The following HPSE2 variants were observed in gnomAD, a reference collection of about 807,000 sequenced individuals.
The protein encoded by HPSE2 is inactive heparanase-2.
HPSE2 carries 38 observed loss-of-function variants against 60.5 expected under a neutral mutation model. That is an observed-to-expected ratio of 0.63 (90% CI 0.48 to 0.82). The LOEUF is 0.82. HPSE2 is among the 40% of genes least tolerant of loss of function. The pLI, the probability that HPSE2 is intolerant of heterozygous loss-of-function variation, is 0.00. For missense variants in HPSE2, 713 were observed against 740.4 expected, an observed-to-expected ratio of 0.96 and a Z score of 0.43; for synonymous variants, 295 against 293.2, an observed-to-expected ratio of 1.01 and a Z score of -0.06.
chr10:99,285,969 CGT>C, the HPSE2 span, among the ~76,000 whole-genome samples: 55 of 152,044 alleles, frequency 3.6e-4, no homozygotes, highest in Non-Finnish European at 6.6e-4. Context: ...CACATGAAAA[CGT>C]ATTCCAATCA....
chr10:98,647,600 C>G (rs72840526), intron 6 of HPSE2, among the ~76,000 whole-genome samples: 1,547 of 152,280 alleles, frequency 0.01, 13 homozygotes, highest in South Asian at 0.027. Context: ...AAACCCTGTT[C>G]ACCTATAAAA....
At chr10:98,481,695 C>T (rs1372529600) in intron 11 of HPSE2, among the ~76,000 whole-genome samples, 1 of 152,154 alleles carries the variant, frequency 6.6e-6, no homozygotes, top group Non-Finnish European at 1.5e-5. Flanking sequence ...ATGCAAGCCA[C>T]CAAGGTTGCA....
At chr10:99,089,490 G>C (rs1232211867) in intron 3 of HPSE2, among the ~76,000 whole-genome samples, 1 of 152,074 alleles carries the variant, frequency 6.6e-6, no homozygotes, top group Non-Finnish European at 1.5e-5. Flanking sequence ...TTAAGTATTT[G>C]GCTTTATTTC....
the HPSE2 span, among the ~76,000 whole-genome samples, chr10:99,305,979 G>GCACGCACACACA: frequency 6.5e-4 from 52 of 80,588 alleles, 1 homozygote; most frequent in African/African-American, 2.6e-3. Context: ...GCGCGCGCGC[G>GCACGCACACACA]CACACACACA....
intron 2 of HPSE2, among the ~76,000 whole-genome samples, chr10:99,211,130 A>G (rs73337468): frequency 0.028 from 4,194 of 152,042 alleles, 195 homozygotes; most frequent in African/African-American, 0.096. Context: ...TGAACTATCC[A>G]AAAAAAAGAA....
At chr10:98,608,248 C>A (rs1470341841) in intron 9 of HPSE2, among the ~76,000 whole-genome samples, 1 of 152,186 alleles carries the variant, frequency 6.6e-6, no homozygotes, top group Non-Finnish European at 1.5e-5. Flanking sequence ...CCCCATTTCA[C>A]AGAGGAAGAA....
intron 4 of HPSE2, among the ~76,000 whole-genome samples, chr10:98,724,846 A>C (rs1036865504): frequency 6.6e-6 from 1 of 152,164 alleles, no homozygotes; most frequent in African/African-American, 2.4e-5. Flanking sequence ...CACCAATAAC[A>C]GACAAACAGA....
intron 3 of HPSE2, among the ~76,000 whole-genome samples, chr10:98,867,057 T>C (rs1043397701): frequency 1.3e-5 from 2 of 152,158 alleles, no homozygotes; most frequent in Non-Finnish European, 2.9e-5. Context: ...GTGAGCACTG[T>C]AATTTTTCAG....
chr10:98,891,478 T>C (rs1953334097), intron 3 of HPSE2, among the ~76,000 whole-genome samples: 1 of 152,076 alleles, frequency 6.6e-6, no homozygotes, highest in South Asian at 2.1e-4. Flanking sequence ...AGACAGTATC[T>C]CTCTGTGTGA....
At chr10:98,476,805 G>C (rs1431449867) in intron 11 of HPSE2, among the ~76,000 whole-genome samples, 1 of 151,932 alleles carries the variant, frequency 6.6e-6, no homozygotes, top group Non-Finnish European at 1.5e-5. Flanking sequence ...AAAGGGGCGG[G>C]ACGGTCTGAA....
chr10:99,248,189 G>C, the HPSE2 span, among the ~76,000 whole-genome samples: 1 of 152,208 alleles, frequency 6.6e-6, no homozygotes, highest in African/African-American at 2.4e-5. Context: ...AAGCAGACAG[G>C]AAGATGAGGG....
chr10:98,677,223 TC>T (rs1947667525), intron 6 of HPSE2, among the ~76,000 whole-genome samples: 1 of 152,240 alleles, frequency 6.6e-6, no homozygotes, highest in Non-Finnish European at 1.5e-5. Context: ...ATTCATAACA[TC>T]TATCACAGTG....
At chr10:99,067,324 C>T (rs1191061050) in intron 3 of HPSE2, among the ~76,000 whole-genome samples, 1 of 152,200 alleles carries the variant, frequency 6.6e-6, no homozygotes, top group Non-Finnish European at 1.5e-5. Flanking sequence ...CACAGCTGCC[C>T]TATGCAGTGC....
intron 3 of HPSE2, among the ~76,000 whole-genome samples, chr10:98,770,303 C>G (rs1950212594): frequency 6.6e-6 from 1 of 152,274 alleles, no homozygotes; most frequent in South Asian, 2.1e-4. Flanking sequence ...GGAATCTGAT[C>G]CCTAGGTGTA....
chr10:98,530,704 A>C (rs1212081140), intron 9 of HPSE2, among the ~76,000 whole-genome samples: 1 of 152,040 alleles, frequency 6.6e-6, no homozygotes, highest in Non-Finnish European at 1.5e-5. Flanking sequence ...TGCAGCCCCC[A>C]CCCTGTAGTG....
chr10:99,136,348 C>T (rs1295260804), intron 3 of HPSE2, among the ~76,000 whole-genome samples: 1 of 152,262 alleles, frequency 6.6e-6, no homozygotes, highest in East Asian at 1.9e-4. Context: ...TGAAACTACT[C>T]CAAACAACAG....
intron 3 of HPSE2, among the ~76,000 whole-genome samples, chr10:99,029,041 T>G (rs1252543560): frequency 6.6e-6 from 1 of 152,120 alleles, no homozygotes; most frequent in Non-Finnish European, 1.5e-5. Flanking sequence ...CAAGAAAAGA[T>G]AGGGGAAAAT....
chr10:98,587,393 C>A (rs1944967818), intron 9 of HPSE2, among the ~76,000 whole-genome samples: 1 of 152,188 alleles, frequency 6.6e-6, no homozygotes, highest in African/African-American at 2.4e-5. Flanking sequence ...AGCACTCAGG[C>A]AGGTTATGGC....
chr10:99,314,324 G>A, the HPSE2 span, among the ~76,000 whole-genome samples: 8 of 152,030 alleles, frequency 5.3e-5, no homozygotes, highest in East Asian at 1.9e-4. Flanking sequence ...CACCATGCCC[G>A]GCTGATTTTT....
Sources: gnomAD v4.1 joint callset for allele counts (sites outside exome capture counted in the v4.1 genomes callset) on GRCh38, gnomAD v4.1.1 for gene constraint, MANE v1.5 for transcripts, NCBI Gene and HGNC (gene_info 2026-07-23, HGNC 2026-07-21) for gene names.